The following IDS variants were observed in gnomAD, a reference collection of about 807,000 sequenced individuals.
The protein encoded by IDS is iduronate 2-sulfatase.
In IDS, 1 loss-of-function variant was observed where a neutral mutation model predicts 33.5. The ratio of observed to expected loss-of-function variants is 0.03; its 90% CI spans 0.01 to 0.14. The LOEUF is 0.14. IDS is among the 10% of genes least tolerant of loss of function. The pLI, the probability that IDS is intolerant of heterozygous loss-of-function variation, is 1.00. For missense variants in IDS, 328 were observed against 448.0 expected (o/e 0.73, Z 2.42); for synonymous variants, 191 against 184.4 (o/e 1.04, Z -0.29).
Position 149,490,339 on chromosome X carries a change from G to C in IDS, c.981C>G (p.Thr327=). 1 of 1,210,600 alleles carries C rather than the reference G, an allele frequency of 8.3e-7. No homozygotes were observed. Among genetic ancestry groups the C allele is most frequent in the African/African-American group, 1.7e-5 (1 of 57,799 alleles). Residue 327 remains threonine, a synonymous_variant, in exon 7 of 9, where the codon ACC becomes ACG. Coordinates refer to ENST00000340855, the MANE Select transcript of IDS (RefSeq NM_000202.8). Reference sequence around the variant, plus strand: ...CATGATCCGAGGTAAATGCAATGATGGTGCTGTTGGCCAGCTGAAGATCGT... The same window carrying C: ...CATGATCCGAGGTAAATGCAATGATCGTGCTGTTGGCCAGCTGAAGATCGT... ...ALDDLQLANS[T]IIAFTSDHGW... is the part of the protein sequence containing the mutation.
At chrX:149,485,932 C>T (rs782387890) in intron 8 of IDS, among the ~76,000 whole-genome samples, 3 of 111,963 alleles carry the variant, frequency 2.7e-5, no homozygotes, top group Non-Finnish European at 5.6e-5. Flanking sequence ...AATGATGGTC[C>T]AGAACCAAGA....
Position 149,500,159 on chromosome X carries a change from G to A in IDS, c.507+790C>T, listed in dbSNP as rs146679092. On this transcript the variant is annotated intron_variant, in intron 4 of 8. Transcript: ENST00000340855. ...AAATGGGTAGGGGGCAGTTAGGGCA[G>A]GGACCTGGCATTCGTAAGTGAGGCC... is the stretch of plus-strand genomic sequence containing the variant. Among the ~76,000 whole-genome samples the A allele has an allele frequency of 7.8e-3, 869 of 111,811 alleles. 9 individuals are homozygous for A. The highest frequency in any genetic ancestry group is 0.026 in the African/African-American group (792 of 30,733).
At chrX:149,490,215 G>C in intron 7 of IDS, 99 bp downstream of exon 7, 3 of 868,600 alleles carry the variant, frequency 3.5e-6, no homozygotes, top group Middle Eastern at 5.8e-4. Context: ...GTTCACAAAA[G>C]AGAACACACC....
In IDS at chrX:149,505,260, A is replaced by G. The variant is rs2089518989; in HGVS notation, c.-123T>C. On this transcript the variant is annotated 5_prime_UTR_variant, in exon 1 of 9. Transcript: ENST00000340855. ...GGAACCCATGAAGACTGCGCAACAC[A>G]GCCGCCGCCCGGGCCCGCAGGCCCG... The G allele has an allele frequency of 2.7e-6, 1 of 375,592 alleles. No homozygotes were observed. The highest frequency in any genetic ancestry group is 4.3e-6 in the Non-Finnish European group (1 of 230,897). The allele number at this position is 375,592 out of a possible 1,213,427, so 31.0% of individuals were successfully genotyped here. A position where few individuals can be genotyped will look rare whatever the true frequency, so the allele number is the denominator to read the frequency against.
In IDS at chrX:149,484,965, A is replaced by G. The variant is rs1419834141; in HGVS notation, c.1181-1747T>C. Among the ~76,000 whole-genome samples, 3 of 112,263 alleles carry G rather than the reference A, an allele frequency of 2.7e-5. No individual in the cohort carries two copies. The East Asian group carries it at 8.4e-4, about 31-fold the overall frequency. On this transcript the variant is annotated intron_variant, in intron 8 of 8. Transcript: ENST00000340855. ...TACAATACTAGTAACGCTGGCCATG[A>G]AGTGCCCCCACCATGTGACACAATG...
chrX:149,487,076 T>C lies in IDS; in HGVS notation c.1029A>G (p.Gly343=). ...CAAAATTGCTGTATTTGGCCCATTC[T>C]CCATGTTCACCTAGAGCCCACCCTA... The part of the protein sequence containing the change: ...SDHGWALGEH[G]EWAKYSNFDV... The change falls in exon 8 of 9, where the codon GGA becomes GGG. Residue 343 remains glycine (G), a synonymous_variant. Coordinates refer to ENST00000340855, the MANE Select transcript of IDS (RefSeq NM_000202.8). 1 of 1,211,437 alleles carries C rather than the reference T, an allele frequency of 8.3e-7. No homozygotes were observed. Among genetic ancestry groups the C allele is most frequent in the Non-Finnish European group, 1.1e-6 (1 of 895,281 alleles).
rs909713677 is a variant in IDS, at chrX:149,479,008, T to G, written c.*3738A>C. 2.7e-5 allele frequency: 3 copies of G among 112,047 alleles called. No individual in the cohort carries two copies. The Admixed American group carries it at 2.8e-4, about 11-fold the overall frequency. The allele number at this position is 112,047 out of a possible 1,213,427, so 9.2% of individuals were successfully genotyped here. On this transcript the variant is annotated 3_prime_UTR_variant, in exon 9 of 9. Coordinates refer to ENST00000340855, the MANE Select transcript of IDS (RefSeq NM_000202.8). ...TCACTAACAAGCAAAGAATTTTAAG[T>G]TTTTTTTGTTTTTTGTTGTTTTTTA...
In IDS at chrX:149,481,277, T is replaced by C. The variant is rs1557337408; in HGVS notation, c.*1469A>G. ...GGGCCCTTCAGTCACGGAGAAGTCG[T>C]TGTTGCCAGAACAGTCAGTCACTTA... On this transcript the variant is annotated 3_prime_UTR_variant, in exon 9 of 9. Transcript: ENST00000340855. 1 of 112,372 alleles carries C rather than the reference T, an allele frequency of 8.9e-6. No homozygotes were observed. 9.3% of individuals were successfully genotyped at this position (112,372 alleles called of 1,213,427 possible). A position where few individuals can be genotyped will look rare whatever the true frequency, so the allele number is the denominator to read the frequency against.
At position 149,477,366 on chromosome X, in the gene IDS, T is replaced by C. The variant is rs112421996; in HGVS notation, c.*5380A>G. 1.5e-3 allele frequency: 174 copies of C among 112,712 alleles called. No individual in the cohort carries two copies. Among genetic ancestry groups the C allele is most frequent in the African/African-American group, 5.2e-3 (162 of 30,979 alleles). The allele number at this position is 112,712 out of a possible 1,213,427, so 9.3% of individuals were successfully genotyped here. A position where few individuals can be genotyped will look rare whatever the true frequency, so the allele number is the denominator to read the frequency against. On this transcript the variant is annotated 3_prime_UTR_variant, in exon 9 of 9. Coordinates refer to ENST00000340855, the MANE Select transcript of IDS (RefSeq NM_000202.8). Reference sequence around the variant, plus strand: ...CTAGACCTTGAGCTTTTGTTCCTCATTGGCAGTGGGAGCCCTCTTGCCTGG... The same window carrying C: ...CTAGACCTTGAGCTTTTGTTCCTCACTGGCAGTGGGAGCCCTCTTGCCTGG...
chrX:149,486,037 T>C (rs2124002762), intron 8 of IDS, among the ~76,000 whole-genome samples: 1 of 111,642 alleles, frequency 9.0e-6, no homozygotes, highest in Admixed American at 9.4e-5. Context: ...TGGTTTAGCA[T>C]AGTTCATAGA....
chrX:149,502,048 G>T, intron 3 of IDS: 1 of 306,384 alleles, frequency 3.3e-6, no homozygotes, highest in South Asian at 2.9e-5. Context: ...GATTAAAGGA[G>T]TGGCCAGCAT....
rs1557340567 is a variant in IDS at position 149,505,042 on chromosome X, C to A, written c.96G>T (p.Ser32=). Residue 32 remains serine (S), a synonymous_variant, in exon 1 of 9, where the codon TCG becomes TCT. Coordinates refer to ENST00000340855, the MANE Select transcript of IDS (RefSeq NM_000202.8). Reference sequence around the variant, plus strand: ...GGAGGGCGTGGGCGGCACCTGTGGTCGAGTTGGCCTGCGTTTCGGATCCGA... The same window carrying A: ...GGAGGGCGTGGGCGGCACCTGTGGTAGAGTTGGCCTGCGTTTCGGATCCGA... ...VALGSETQAN[S]TTDALNVLLI... is the part of the protein sequence containing the mutation. The A allele has an allele frequency of 8.3e-7, 1 of 1,205,102 alleles. No homozygotes were observed. The highest frequency in any genetic ancestry group is 2.2e-5 in the Admixed American group (1 of 45,995).
At chrX:149,495,374 T>C (rs1299859456) in intron 6 of IDS, 1 of 113,032 alleles carries the variant, frequency 8.8e-6, no homozygotes, top group Non-Finnish European at 1.9e-5. Flanking sequence ...GCAAGGGATA[T>C]CTGTATGCAG....
At chrX:149,502,138 G>A (rs1557340064) in intron 3 of IDS, 1 of 330,912 alleles carries the variant, frequency 3.0e-6, no homozygotes, top group Admixed American at 3.1e-5. Context: ...AAAAGGTCTT[G>A]AGAACAAAGA....
chrX:149,479,918 G>A lies in IDS; in HGVS notation c.*2828C>T. On this transcript the variant is annotated 3_prime_UTR_variant, in exon 9 of 9. Coordinates refer to ENST00000340855, the MANE Select transcript of IDS (RefSeq NM_000202.8). ...AGTAAAGCGAACACAAGATTCTTTAGCAATGTTCATTCCATCCCACAATAG... is the reference window on the plus strand; with the variant it reads ...AGTAAAGCGAACACAAGATTCTTTAACAATGTTCATTCCATCCCACAATAG... 1 of 214,150 alleles carries A rather than the reference G, an allele frequency of 4.7e-6. No homozygotes were observed. Among genetic ancestry groups the A allele is most frequent in the Non-Finnish European group, 8.5e-6 (1 of 117,433 alleles). 17.6% of individuals were successfully genotyped at this position (214,150 alleles called of 1,213,427 possible). A position where few individuals can be genotyped will look rare whatever the true frequency, so the allele number is the denominator to read the frequency against.
At position 149,480,276 on chromosome X, in the gene IDS, TA is replaced by T. The variant is rs1266544595; in HGVS notation, c.*2469del. Reference sequence around the variant, plus strand: ...CAGGGGAGGAAAGAGGAGGGGTGGGTAAACTACTTGGAAAGAAAGGGAGAAG... The same window carrying T: ...CAGGGGAGGAAAGAGGAGGGGTGGGTAACTACTTGGAAAGAAAGGGAGAAG... On this transcript the variant is annotated 3_prime_UTR_variant, in exon 9 of 9. Coordinates refer to ENST00000340855, the MANE Select transcript of IDS (RefSeq NM_000202.8). 1.8e-5 allele frequency: 3 copies of T among 167,652 alleles called. No individual in the cohort carries two copies. The highest frequency in any genetic ancestry group is 3.3e-5 in the Non-Finnish European group (3 of 91,465). 13.8% of individuals were successfully genotyped at this position (167,652 alleles called of 1,213,427 possible). A position where few individuals can be genotyped will look rare whatever the true frequency, so the allele number is the denominator to read the frequency against.
At chrX:149,484,926 C>T (rs1270813793) in intron 8 of IDS, among the ~76,000 whole-genome samples, 3 of 111,896 alleles carry the variant, frequency 2.7e-5, no homozygotes, top group African/African-American at 3.3e-5. Context: ...GCTCTTCAAC[C>T]GAGTGTTCAA....
At chrX:149,500,853 T>C (rs1157424433) in intron 4 of IDS, 96 bp downstream of exon 4, 2 of 595,180 alleles carry the variant, frequency 3.4e-6, no homozygotes, top group Non-Finnish European at 5.9e-6. Flanking sequence ...CTTCGTGGTA[T>C]ATAACCAGCT....
chrX:149,491,742 G>T, intron 6 of IDS: 1 of 800,218 alleles, frequency 1.2e-6, no homozygotes, highest in Non-Finnish European at 1.7e-6. Flanking sequence ...GCTAGCCCCT[G>T]GACGTAAGGC....
Sources: gnomAD v4.1 joint callset for allele counts (sites outside exome capture counted in the v4.1 genomes callset) on GRCh38, gnomAD v4.1.1 for gene constraint, MANE v1.5 for transcripts, NCBI Gene and HGNC (gene_info 2026-07-23, HGNC 2026-07-21) for gene names.